The following FRMPD1 variants were observed in gnomAD, a reference collection of about 807,000 sequenced individuals.
The protein encoded by FRMPD1 is FERM and PDZ domain containing 1.
FRMPD1 carries 76 observed loss-of-function variants against 117.8 expected under a neutral mutation model. The ratio of observed to expected loss-of-function variants is 0.65; its 90% CI spans 0.54 to 0.78. The LOEUF (loss-of-function observed/expected upper bound fraction) is 0.78. Among genes scored for constraint, FRMPD1 ranks in the 30% least tolerant of loss-of-function variants. The probability of loss-of-function intolerance (pLI) is 0.00; values close to 1 mark genes in which losing one functional copy is unlikely to be tolerated. For synonymous variants in FRMPD1, 783 were observed against 770.4 expected, an observed-to-expected ratio of 1.02 and a Z score of -0.27; for missense variants, 1,786 against 1,964.5, an observed-to-expected ratio of 0.91 and a Z score of 1.72.
At chr9:37,679,641 C>A (rs955055389) in intron 1 of FRMPD1, among the ~76,000 whole-genome samples, 1 of 152,228 alleles carries the variant, frequency 6.6e-6, no homozygotes, top group Non-Finnish European at 1.5e-5. Context: ...TTGTGACTGG[C>A]TCCTTTCAGG....
chr9:37,686,036 T>C (rs1162428299), intron 1 of FRMPD1, among the ~76,000 whole-genome samples: 1 of 152,196 alleles, frequency 6.6e-6, no homozygotes, highest in Admixed American at 6.5e-5. Flanking sequence ...TTTGAGAGAG[T>C]TTGCCTTTTT....
intron 1 of FRMPD1, among the ~76,000 whole-genome samples, chr9:37,663,813 G>C (rs6476656): frequency 9.9e-5 from 15 of 152,108 alleles, no homozygotes; most frequent in Middle Eastern, 3.4e-3. Context: ...GTATACTTCA[G>C]ATTATCTCCA....
chr9:37,608,802 T>G, the FRMPD1 span, among the ~76,000 whole-genome samples: 2 of 152,256 alleles, frequency 1.3e-5, no homozygotes, highest in Non-Finnish European at 2.9e-5. Flanking sequence ...GGGGGCGTAT[T>G]GTGTGCTAGG....
In FRMPD1 at chr9:37,731,118, G is replaced by A. The variant is rs200472725; in HGVS notation, c.858+15G>A. The A allele has an allele frequency of 2.2e-5, 36 of 1,612,184 alleles. No homozygotes were observed. In the African/African-American group the frequency reaches 3.9e-4, roughly 17 times the overall value. ...TCTATCTGCAGGTGACTGGGTCTGTGCTTCCTAAAATAACAGTGGTTGTTC... is the reference window on the plus strand; with the variant it reads ...TCTATCTGCAGGTGACTGGGTCTGTACTTCCTAAAATAACAGTGGTTGTTC... On this transcript the variant is annotated intron_variant, in intron 9 of 15. Coordinates refer to ENST00000377765, the MANE Select transcript of FRMPD1 (RefSeq NM_014907.3).
the FRMPD1 span, among the ~76,000 whole-genome samples, chr9:37,638,019 T>C: frequency 8.1e-4 from 100 of 122,844 alleles, 3 homozygotes; most frequent in African/African-American, 2.5e-3. Flanking sequence ...TTTCTTTCTT[T>C]CTTTCTCTCT....
At chr9:37,723,385 G>A (rs1005045692) in intron 6 of FRMPD1, among the ~76,000 whole-genome samples, 6 of 152,138 alleles carry the variant, frequency 3.9e-5, no homozygotes, top group South Asian at 2.1e-4. Context: ...ACCGTTTGTC[G>A]TATCTAACAG....
rs111512770 is a variant in FRMPD1, at chr9:37,740,672, C to T, written c.2144C>T (p.Pro715Leu). Residue 715 changes from proline (P) to leucine (L), a missense_variant, in exon 15 of 16, where the codon CCG becomes CTG. By Grantham distance (98) the Pro-to-Leu change is moderately conservative. Coordinates refer to ENST00000377765, the MANE Select transcript of FRMPD1 (RefSeq NM_014907.3). This position sits in a 1 kb window ranked among gnomAD's most constrained non-coding sequence, Gnocchi z 4.2. Reference sequence around the variant, plus strand: ...TACAGCCTGTGTTCCAGTGTCTCCCCGGCCAGCTACCTGAGTGACAGTTCC... The same window carrying T: ...TACAGCCTGTGTTCCAGTGTCTCCCTGGCCAGCTACCTGAGTGACAGTTCC... ...DYYSLCSSVSPASYLSDSSES... is the reference protein window; with the variant it reads ...DYYSLCSSVSLASYLSDSSES... 440 of 1,614,118 alleles carry T rather than the reference C, an allele frequency of 2.7e-4. 1 individual carries two copies. The African/African-American group carries it at 3.5e-3, about 13-fold the overall frequency.
upstream of FRMPD1, among the ~76,000 whole-genome samples, chr9:37,646,961 T>A (rs952956222): frequency 1.3e-5 from 2 of 152,072 alleles, no homozygotes; most frequent in Non-Finnish European, 2.9e-5. Context: ...TTAGCTGAAA[T>A]GGTACTTATG....
Position 37,650,976 on chromosome 9 carries a change from G to A in FRMPD1, c.-123G>A, listed in dbSNP as rs1282075451. On this transcript the variant is annotated 5_prime_UTR_variant, in exon 1 of 16. Transcript: ENST00000377765. ...GGGAGGCGGAGCCCGAGCCGAGCCC[G>A]AGCAGCGCTGCTTCCCGAGCCTTGG... The A allele has an allele frequency of 6.6e-6, 1 of 151,592 alleles. No homozygotes were observed. Among genetic ancestry groups the A allele is most frequent in the South Asian group, 2.1e-4 (1 of 4,822 alleles). The allele number at this position is 151,592 out of a possible 1,614,324, so 9.4% of individuals were successfully genotyped here. A position where few individuals can be genotyped will look rare whatever the true frequency, so the allele number is the denominator to read the frequency against.
intron 2 of FRMPD1, among the ~76,000 whole-genome samples, chr9:37,695,048 T>TAGATA (rs1264342568): frequency 1.3e-5 from 2 of 152,138 alleles, no homozygotes; most frequent in African/African-American, 4.8e-5. Flanking sequence ...GATAGATAGA[T>TAGATA]ATGTCTGTGA....
At chr9:37,730,924 G>A (rs1036561580) in intron 8 of FRMPD1, 60 bp from the exon 9 acceptor site, 6 of 1,583,004 alleles carry the variant, frequency 3.8e-6, no homozygotes, top group Non-Finnish European at 5.2e-6. Flanking sequence ...TGGTTTTGTG[G>A]AATGACTGCA....
At chr9:37,683,670 A>G (rs1396011415) in intron 1 of FRMPD1, among the ~76,000 whole-genome samples, 1 of 151,926 alleles carries the variant, frequency 6.6e-6, no homozygotes, top group Admixed American at 6.6e-5. Flanking sequence ...TGCGAGGGAG[A>G]TGAAGTTGGC....
chr9:37,686,813 G>A (rs79933712), intron 1 of FRMPD1, among the ~76,000 whole-genome samples: 9 of 152,304 alleles, frequency 5.9e-5, no homozygotes, highest in East Asian at 1.9e-4. Flanking sequence ...GGATATGTTC[G>A]AGATCCCTGA....
At chr9:37,654,336 G>A (rs1820777097) in intron 1 of FRMPD1, among the ~76,000 whole-genome samples, 1 of 152,232 alleles carries the variant, frequency 6.6e-6, no homozygotes, top group South Asian at 2.1e-4. Context: ...AGCCACAGGA[G>A]AGAGGGAGCC....
intron 1 of FRMPD1, among the ~76,000 whole-genome samples, chr9:37,663,666 T>C (rs1425849184): frequency 1.3e-5 from 2 of 152,220 alleles, no homozygotes; most frequent in Non-Finnish European, 2.9e-5. Context: ...TCGTAGTGTT[T>C]TGTCTATATA....
chr9:37,727,367 G>T (rs1823659548), intron 7 of FRMPD1, among the ~76,000 whole-genome samples: 1 of 152,100 alleles, frequency 6.6e-6, no homozygotes, highest in Non-Finnish European at 1.5e-5. Flanking sequence ...CTCTGCCATT[G>T]TAGCAAATGC....
chr9:37,646,931 G>A (rs1824150483), upstream of FRMPD1, among the ~76,000 whole-genome samples: 1 of 152,182 alleles, frequency 6.6e-6, no homozygotes, highest in South Asian at 2.1e-4. Context: ...CATACTCATT[G>A]CCATAGAGAA....
intron 7 of FRMPD1, among the ~76,000 whole-genome samples, chr9:37,724,666 T>C (rs1380989528): frequency 6.6e-6 from 1 of 152,170 alleles, no homozygotes; most frequent in African/African-American, 2.4e-5. Flanking sequence ...CGCCAAACAC[T>C]ACGAAAACCC....
intron 7 of FRMPD1, among the ~76,000 whole-genome samples, chr9:37,726,972 T>C (rs1042969802): frequency 6.6e-6 from 1 of 152,058 alleles, no homozygotes; most frequent in African/African-American, 2.4e-5. Context: ...ATAGATTGGC[T>C]TTTGACTGGA....
Sources: allele counts gnomAD v4.1 joint callset (sites outside exome capture counted in the v4.1 genomes callset), GRCh38; gene constraint gnomAD v4.1.1; non-coding constraint Gnocchi (gnomAD v3.1); transcripts MANE v1.5; gene names NCBI Gene and HGNC (gene_info 2026-07-23, HGNC 2026-07-21).